Variants in CCSER1 observed in about 807,000 individuals in gnomAD.
The protein encoded by CCSER1 is serine-rich coiled-coil domain-containing protein 1.
CCSER1 carries 41 observed loss-of-function variants against 82.0 expected under a neutral mutation model. That is an observed-to-expected ratio of 0.50 (90% confidence interval 0.39 to 0.65). The LOEUF (loss-of-function observed/expected upper bound fraction) is 0.65, where lower values mean the gene tolerates loss of function less well. CCSER1 is among the 30% of genes least tolerant of loss of function. The probability of loss-of-function intolerance (pLI) is 0.00; values close to 1 mark genes in which losing one functional copy is unlikely to be tolerated. For missense variants in CCSER1, 1,119 were observed against 1,064.2 expected (o/e 1.05, Z -0.72); for synonymous variants, 414 against 383.9 (o/e 1.08, Z -0.92).
intron 9 of CCSER1, among the ~76,000 whole-genome samples, chr4:91,009,728 C>T (rs976965636): frequency 2.0e-5 from 3 of 152,102 alleles, no homozygotes; most frequent in African/African-American, 7.2e-5. Flanking sequence ...ATTGTTTTAA[C>T]AGACTATTTT....
chr4:91,080,961 C>T (rs565717124), intron 9 of CCSER1, among the ~76,000 whole-genome samples: 1 of 152,258 alleles, frequency 6.6e-6, no homozygotes, highest in Admixed American at 6.5e-5. Flanking sequence ...GATTCACAGC[C>T]AAATTCTACC....
intron 8 of CCSER1, among the ~76,000 whole-genome samples, chr4:90,910,888 G>A (rs752016958): frequency 1.3e-5 from 2 of 152,162 alleles, no homozygotes; most frequent in Non-Finnish European, 2.9e-5. Flanking sequence ...ATTAACACTT[G>A]TGGGTCCCAG....
chr4:90,481,765 G>A (rs545518369), intron 5 of CCSER1, among the ~76,000 whole-genome samples: 33 of 152,192 alleles, frequency 2.2e-4, no homozygotes, highest in Non-Finnish European at 2.6e-4. Flanking sequence ...TGCTGGATTC[G>A]GTTTGCCAGT....
chr4:90,466,290 T>C (rs892420243), intron 4 of CCSER1, among the ~76,000 whole-genome samples: 1 of 152,246 alleles, frequency 6.6e-6, no homozygotes, highest in Admixed American at 6.5e-5. Context: ...ATTTAAAGCA[T>C]GAGAGGGCTT....
intron 10 of CCSER1, among the ~76,000 whole-genome samples, chr4:91,401,190 A>G (rs1752293875): frequency 6.6e-6 from 1 of 151,016 alleles, no homozygotes; most frequent in Non-Finnish European, 1.5e-5. Context: ...AGCCATTAAA[A>G]TAACTAATAA....
chr4:90,142,911 T>C (rs887534023), intron 1 of CCSER1, among the ~76,000 whole-genome samples: 1 of 152,220 alleles, frequency 6.6e-6, no homozygotes, highest in Non-Finnish European at 1.5e-5. Context: ...ATCCCTGTTA[T>C]ATTTATTGCC....
intron 10 of CCSER1, among the ~76,000 whole-genome samples, chr4:91,349,235 A>G (rs1748296128): frequency 6.6e-6 from 1 of 151,640 alleles, no homozygotes; most frequent in Non-Finnish European, 1.5e-5. Context: ...CTCTTTTTTC[A>G]ATTTATGTTT....
At chr4:91,106,732 C>T (rs1725656414) in intron 10 of CCSER1, among the ~76,000 whole-genome samples, 1 of 152,146 alleles carries the variant, frequency 6.6e-6, no homozygotes, top group Admixed American at 6.5e-5. Context: ...TCTCAAATTC[C>T]ACACCACTGT....
intron 10 of CCSER1, among the ~76,000 whole-genome samples, chr4:91,497,616 G>T (rs1353473068): frequency 6.6e-6 from 1 of 151,750 alleles, no homozygotes; most frequent in East Asian, 1.9e-4. Context: ...GAGTTACCGT[G>T]TTCAGTAATC....
At chr4:91,178,453 G>A (rs538427399) in intron 10 of CCSER1, among the ~76,000 whole-genome samples, 1 of 152,100 alleles carries the variant, frequency 6.6e-6, no homozygotes, top group African/African-American at 2.4e-5. Context: ...AAGTCTCTTT[G>A]TAGGTCACTA....
chr4:90,743,191 AG>A (rs1244826990), intron 7 of CCSER1, among the ~76,000 whole-genome samples: 2 of 152,240 alleles, frequency 1.3e-5, no homozygotes, highest in Non-Finnish European at 2.9e-5. Flanking sequence ...AAAAGAAAGA[AG>A]GAAAGGTACA....
intron 9 of CCSER1, among the ~76,000 whole-genome samples, chr4:91,078,315 G>T (rs1371745156): frequency 6.6e-6 from 1 of 152,176 alleles, no homozygotes; most frequent in Non-Finnish European, 1.5e-5. Flanking sequence ...GGCAAACAGG[G>T]TCTGGAGTGG....
chr4:90,457,070 A>C (rs1261693393), intron 4 of CCSER1, among the ~76,000 whole-genome samples: 1 of 152,150 alleles, frequency 6.6e-6, no homozygotes, highest in Non-Finnish European at 1.5e-5. Context: ...GGGTCCGGCC[A>C]CTGTGTACAA....
intron 8 of CCSER1, among the ~76,000 whole-genome samples, chr4:90,894,626 T>A (rs1296455714): frequency 6.6e-6 from 1 of 151,936 alleles, no homozygotes; most frequent in Non-Finnish European, 1.5e-5. Flanking sequence ...CTTCTCCTGT[T>A]CATTTTTGCC....
At chr4:91,177,161 G>A (rs1304644791) in intron 10 of CCSER1, among the ~76,000 whole-genome samples, 1 of 152,162 alleles carries the variant, frequency 6.6e-6, no homozygotes, top group African/African-American at 2.4e-5. Context: ...GCATCCCAGG[G>A]ATGAAGCCAA....
At chr4:90,849,224 G>A (rs1298196555) in intron 8 of CCSER1, among the ~76,000 whole-genome samples, 1 of 152,186 alleles carries the variant, frequency 6.6e-6, no homozygotes, top group Admixed American at 6.5e-5. Context: ...GAATGGCTGT[G>A]ACCAAAATGC....
At position 91,254,090 on chromosome 4, in the gene CCSER1, A is replaced by G. The variant is rs115512767; in HGVS notation, c.2217+168096A>G. Among the ~76,000 whole-genome samples, 724 of 152,290 alleles carry G rather than the reference A, an allele frequency of 4.8e-3. 5 individuals are homozygous for G. Among genetic ancestry groups the G allele is most frequent in the African/African-American group, 0.017 (699 of 41,558 alleles). On this transcript the variant is annotated intron_variant, in intron 10 of 10. Coordinates refer to ENST00000509176, the MANE Select transcript of CCSER1 (RefSeq NM_001145065.2). ...AACAGACTATCAAAATATATGAAAC[A>G]AAAACACAGAATTTAAGGGAGAAAT...
chr4:90,933,849 T>G (rs1257838161), intron 9 of CCSER1, among the ~76,000 whole-genome samples: 1 of 151,964 alleles, frequency 6.6e-6, no homozygotes, highest in African/African-American at 2.4e-5. Flanking sequence ...TGAATGCATT[T>G]TACTATTCAT....
At chr4:90,818,729 C>T (rs114973419) in intron 8 of CCSER1, among the ~76,000 whole-genome samples, 3,328 of 152,270 alleles carry the variant, frequency 0.022, 126 homozygotes, top group African/African-American at 0.076. Flanking sequence ...CCTCTAGATG[C>T]CAGTAGCACC....
Sources: gnomAD v4.1 joint callset for allele counts (sites outside exome capture counted in the v4.1 genomes callset) on GRCh38, gnomAD v4.1.1 for gene constraint, MANE v1.5 for transcripts, NCBI Gene and HGNC (gene_info 2026-07-23, HGNC 2026-07-21) for gene names.